POLR2F: variants seen among roughly 807,000 people sequenced by gnomAD.
POLR2F encodes the protein DNA-directed RNA polymerases I, II, and III subunit RPABC2.
A neutral mutation model predicts 22.7 loss-of-function variants in POLR2F; 12 were observed. That is an observed-to-expected ratio of 0.53 (90% CI 0.34 to 0.86). POLR2F has a LOEUF of 0.86. Among genes scored for constraint, POLR2F ranks in the 40% least tolerant of loss-of-function variants. POLR2F has a pLI of 0.02. For synonymous variants in POLR2F, 57 were observed against 66.0 expected (o/e 0.86, Z 0.66); for missense variants, 126 against 171.5 (o/e 0.73, Z 1.48).
Position 37,968,410 on chromosome 22 carries a change from A to G in POLR2F, c.*695A>G, listed in dbSNP as rs914122215. ...CCCACCTCTTTGGTGTGCCACACCCATGCCTTCTTCCTAGCCTCTATAAGA... is the reference window on the plus strand; with the variant it reads ...CCCACCTCTTTGGTGTGCCACACCCGTGCCTTCTTCCTAGCCTCTATAAGA... On this transcript the variant is annotated 3_prime_UTR_variant, in exon 5 of 5. Transcript: ENST00000442738. The G allele has an allele frequency of 1.0e-6, 1 of 985,626 alleles. No homozygotes were observed. Among genetic ancestry groups the G allele is most frequent in the East Asian group, 1.1e-4 (1 of 8,834 alleles). 61.1% of individuals were successfully genotyped at this position (985,626 alleles called of 1,614,324 possible). A position where few individuals can be genotyped will look rare whatever the true frequency, so the allele number is the denominator to read the frequency against.
At chr22:38,015,670 C>A (rs1031297221) in intron 1 of POLR2F, among the ~76,000 whole-genome samples, 2 of 152,156 alleles carry the variant, frequency 1.3e-5, no homozygotes, top group Non-Finnish European at 2.9e-5. Flanking sequence ...GCCTCAGCTG[C>A]CCCCTCTGTG....
chr22:38,004,261 G>T (rs920984098), intron 1 of POLR2F, among the ~76,000 whole-genome samples: 12 of 152,072 alleles, frequency 7.9e-5, no homozygotes, highest in African/African-American at 2.7e-4. Flanking sequence ...GATCCTGATG[G>T]CATAAGCCAC....
At chr22:38,007,712 C>A (rs1000597031) in intron 1 of POLR2F, among the ~76,000 whole-genome samples, 2 of 152,216 alleles carry the variant, frequency 1.3e-5, no homozygotes, top group Non-Finnish European at 2.9e-5. Flanking sequence ...AGGCCTTCCG[C>A]AAAGACTTGC....
chr22:37,986,329 C>T lies in POLR2F; in HGVS notation c.120+17C>T. On this transcript the variant is annotated intron_variant, in intron 1 of 2. Transcript: ENST00000333418. The surrounding 1 kb of genome is among the most constrained non-coding windows in gnomAD (Gnocchi z 4.7). Reference sequence around the variant, plus strand: ...TCTCTCCCGGTGGGTCCCCACTCATCCTTCCACCCCTCAGTTCCTCCTCTT... The same window carrying T: ...TCTCTCCCGGTGGGTCCCCACTCATTCTTCCACCCCTCAGTTCCTCCTCTT... 1 of 1,533,610 alleles carries T rather than the reference C, an allele frequency of 6.5e-7. No homozygotes were observed. The highest frequency in any genetic ancestry group is 1.4e-5 in the African/African-American group (1 of 73,088).
At chr22:38,001,081 A>G (rs1263888357) in intron 1 of POLR2F, among the ~76,000 whole-genome samples, 1 of 151,996 alleles carries the variant, frequency 6.6e-6, no homozygotes, top group African/African-American at 2.4e-5. Flanking sequence ...CACTGAGAGG[A>G]GGGGTTGAGA....
intron 4 of POLR2F, among the ~76,000 whole-genome samples, chr22:37,976,737 G>A (rs1932231400): frequency 6.6e-6 from 1 of 152,206 alleles, no homozygotes; most frequent in African/African-American, 2.4e-5. Flanking sequence ...TTGTTTGCAA[G>A]GATTGAGTTA....
intron 1 of POLR2F, among the ~76,000 whole-genome samples, chr22:37,995,622 A>T (rs1601896329): frequency 1.3e-5 from 2 of 152,144 alleles, no homozygotes; most frequent in African/African-American, 4.8e-5. Flanking sequence ...CTAAGTCCTC[A>T]GTGATCAACT....
At chr22:37,987,213 C>T (rs1232900140) in intron 1 of POLR2F, 3 of 456,210 alleles carry the variant, frequency 6.6e-6, no homozygotes, top group South Asian at 4.6e-5. Context: ...GAAATCCAGG[C>T]TTCCTTCCAT....
upstream of POLR2F, among the ~76,000 whole-genome samples, chr22:37,982,950 C>T (rs1932446745): frequency 6.6e-6 from 1 of 152,228 alleles, no homozygotes; most frequent in African/African-American, 2.4e-5. Context: ...TTCCCTGAAT[C>T]TCCAGCCAAC....
chr22:37,962,605 T>C (rs1238176059), intron 3 of POLR2F, among the ~76,000 whole-genome samples: 3 of 152,254 alleles, frequency 2.0e-5, no homozygotes, highest in African/African-American at 7.2e-5. Flanking sequence ...GAACTGTATG[T>C]GTCCATTTAC....
rs996563258 is a variant in POLR2F at position 37,969,247 on chromosome 22, T to G, written c.*1532T>G. The G allele has an allele frequency of 1.0e-6, 1 of 984,872 alleles. No homozygotes were observed. Among genetic ancestry groups the G allele is most frequent in the African/African-American group, 1.7e-5 (1 of 57,174 alleles). The allele number at this position is 984,872 out of a possible 1,614,324, so 61.0% of individuals were successfully genotyped here. ...CTTCCCATTCTCCTCTTTTGGGGAG[T>G]CCCCTGCTATTCAGCTGTCTGGGCC... On this transcript the variant is annotated 3_prime_UTR_variant, in exon 5 of 5. Transcript: ENST00000442738.
intron 5 of POLR2F, among the ~76,000 whole-genome samples, chr22:38,037,157 T>A (rs997814259): frequency 2.0e-5 from 3 of 152,214 alleles, no homozygotes; most frequent in African/African-American, 7.2e-5. Context: ...TGTCCACTGC[T>A]GTAGCCCCAG....
At chr22:37,973,767 G>C, downstream of POLR2F, 1 of 1,596,860 alleles carries the variant, frequency 6.3e-7, no homozygotes, top group Non-Finnish European at 8.6e-7. Context: ...TAGGCGATCT[G>C]TGAGGTGGAT....
At chr22:38,013,270 T>C (rs1289919626) in intron 1 of POLR2F, among the ~76,000 whole-genome samples, 2 of 152,176 alleles carry the variant, frequency 1.3e-5, no homozygotes, top group African/African-American at 4.8e-5. Flanking sequence ...CTCAGCTTCC[T>C]GAGTAGCTGG....
rs1272023826 is a variant in POLR2F at position 37,968,929 on chromosome 22, T to C, written c.*1214T>C. 1 of 985,292 alleles carries C rather than the reference T, an allele frequency of 1.0e-6. No individual in the cohort carries two copies. Among genetic ancestry groups the C allele is most frequent in the African/African-American group, 1.7e-5 (1 of 57,226 alleles). 61.0% of individuals were successfully genotyped at this position (985,292 alleles called of 1,614,324 possible). ...GGGAGCAGTGGACTTCACACTCCCA[T>C]CCACCCTCCTCCAAGCCTGTGGAAT... On this transcript the variant is annotated 3_prime_UTR_variant, in exon 5 of 5. Transcript: ENST00000442738.
intron 1 of POLR2F, among the ~76,000 whole-genome samples, chr22:37,998,253 G>A (rs769941529): frequency 4.6e-5 from 7 of 152,216 alleles, no homozygotes; most frequent in South Asian, 2.1e-4. Context: ...GGCCATGGCC[G>A]CCTCATCTCT....
intron 1 of POLR2F, among the ~76,000 whole-genome samples, chr22:37,999,590 C>G (rs1322689370): frequency 6.6e-6 from 1 of 152,142 alleles, no homozygotes; most frequent in African/African-American, 2.4e-5. Flanking sequence ...ACACCCCTTC[C>G]CCTCCCCAGG....
At chr22:37,986,014 C>T, upstream of POLR2F, 1 of 1,355,212 alleles carries the variant, frequency 7.4e-7, no homozygotes, top group South Asian at 1.7e-5. This position sits in a 1 kb window ranked among gnomAD's most constrained non-coding sequence, Gnocchi z 4.7. Context: ...GCTGCCAACC[C>T]TCCTCCCCCC....
chr22:37,970,905 A>G (rs1932030970), downstream of POLR2F: 1 of 249,292 alleles, frequency 4.0e-6, no homozygotes, highest in Non-Finnish European at 8.0e-6. Flanking sequence ...TGACTTTGCA[A>G]TGGATATTGT....
Sources: gnomAD v4.1 joint callset for allele counts (sites outside exome capture counted in the v4.1 genomes callset) on GRCh38, gnomAD v4.1.1 for gene constraint, Gnocchi (gnomAD v3.1) non-coding constraint, MANE v1.5 for transcripts, NCBI Gene and HGNC (gene_info 2026-07-23, HGNC 2026-07-21) for gene names.